The following LIPA variants were observed in gnomAD, a reference collection of about 807,000 sequenced individuals.
LIPA encodes the protein lysosomal acid lipase/cholesteryl ester hydrolase.
Under a neutral mutation model 40.6 loss-of-function variants are expected in LIPA, and 26 were observed. That is an observed-to-expected ratio of 0.64 (90% confidence interval 0.47 to 0.89). LIPA has a LOEUF of 0.89. LIPA is among the 40% of genes least tolerant of loss of function. LIPA has a pLI of 0.00. For synonymous variants in LIPA, 188 were observed against 168.4 expected, an observed-to-expected ratio of 1.12 and a Z score of -0.90; for missense variants, 455 against 479.6, an observed-to-expected ratio of 0.95 and a Z score of 0.48.
At chr10:89,226,868 A>G in intron 5 of LIPA, 27 bp downstream of exon 5, 2 of 1,273,552 alleles carry the variant, frequency 1.6e-6, no homozygotes, top group Non-Finnish European at 2.3e-6. Context: ...AATTTATATC[A>G]ACTTCTGATC....
intron 2 of LIPA, among the ~76,000 whole-genome samples, chr10:89,356,375 G>A (rs1272184822): frequency 6.6e-6 from 1 of 152,158 alleles, no homozygotes. Context: ...AGTAGTCCGA[G>A]GCCTGTTAGG....
chr10:89,356,372 C>T (rs995468123), intron 2 of LIPA, among the ~76,000 whole-genome samples: 4 of 152,084 alleles, frequency 2.6e-5, no homozygotes, highest in African/African-American at 4.8e-5. Context: ...GGTAGTAGTC[C>T]GAGGCCTGTT....
chr10:89,235,003 T>C (rs1382054692), intron 3 of LIPA, among the ~76,000 whole-genome samples: 1 of 152,246 alleles, frequency 6.6e-6, no homozygotes, highest in African/African-American at 2.4e-5. Flanking sequence ...CCACAGGCCA[T>C]GCTTTTCAGT....
intron 2 of LIPA, among the ~76,000 whole-genome samples, 159 bp downstream of exon 2, chr10:89,247,379 C>CAAAAAAAAA (rs71022556): frequency 2.7e-5 from 2 of 75,448 alleles, no homozygotes; most frequent in Admixed American, 1.7e-4. Flanking sequence ...GACTCTGCCT[C>CAAAAAAAAA]AAAAAAAAAA....
At chr10:89,322,843 C>T (rs558263834) in intron 1 of LIPA, among the ~76,000 whole-genome samples, 47 of 152,320 alleles carry the variant, frequency 3.1e-4, no homozygotes, top group African/African-American at 1.1e-3. Flanking sequence ...TCCTGTTCTC[C>T]CAGGAAGCAC....
At chr10:89,359,290 T>G (rs1404747779) in intron 2 of LIPA, among the ~76,000 whole-genome samples, 1 of 152,190 alleles carries the variant, frequency 6.6e-6, no homozygotes, top group African/African-American at 2.4e-5. Flanking sequence ...TATATATAAC[T>G]ATTATGTCTC....
intron 1 of LIPA, among the ~76,000 whole-genome samples, chr10:89,264,590 G>A (rs745777381): frequency 1.3e-5 from 2 of 152,142 alleles, no homozygotes; most frequent in Admixed American, 1.3e-4. Flanking sequence ...CAAGTGTGCA[G>A]CCCTCAGCAG....
chr10:89,357,199 A>T (rs1843993354), intron 2 of LIPA, among the ~76,000 whole-genome samples: 1 of 152,202 alleles, frequency 6.6e-6, no homozygotes, highest in Admixed American at 6.5e-5. Context: ...AAGGCTAAGG[A>T]GATATTTCGT....
chr10:89,306,353 A>G (rs767193461), intron 1 of LIPA: 2 of 1,614,142 alleles, frequency 1.2e-6, no homozygotes, highest in South Asian at 2.2e-5. Flanking sequence ...TCCCTATAGA[A>G]TTGAGAGTCC....
chr10:89,406,095 G>C (rs1389441178), intron 2 of LIPA: 1 of 152,076 alleles, frequency 6.6e-6, no homozygotes, highest in Non-Finnish European at 1.5e-5. Context: ...TACATTTTTT[G>C]CTTCAACTTT....
rs139749420 is a variant in LIPA, at chr10:89,409,458, G to A, written c.61+3333C>T. On this transcript the variant is annotated intron_variant, in intron 2 of 8. Coordinates refer to the LIPA transcript ENST00000371837. ...CCAAACAAGCTGCCCCCTCACCCAT[G>A]TCCACTATGCCAAAGCAATCACTGG... Among the ~76,000 whole-genome samples the A allele has an allele frequency of 5.8e-3, 877 of 152,266 alleles. 19 individuals are homozygous for A. The highest frequency in any genetic ancestry group is 0.036 in the Admixed American group (547 of 15,300).
chr10:89,368,697 A>G (rs1844075037), intron 2 of LIPA, among the ~76,000 whole-genome samples: 1 of 152,204 alleles, frequency 6.6e-6, no homozygotes, highest in African/African-American at 2.4e-5. Context: ...TGAGAGAAAA[A>G]AGGAATAGCC....
intron 1 of LIPA, among the ~76,000 whole-genome samples, chr10:89,250,508 G>A (rs1195031956): frequency 6.6e-6 from 1 of 152,116 alleles, no homozygotes; most frequent in Non-Finnish European, 1.5e-5. Context: ...AGGAAGGATT[G>A]TACAGCCCCA....
In LIPA at chr10:89,412,650, C is replaced by T. The variant is rs529469409; in HGVS notation, c.61+141G>A. The T allele has an allele frequency of 2.5e-3, 850 of 346,314 alleles. 5 individuals are homozygous for T. The highest frequency in any genetic ancestry group is 3.6e-3 in the Non-Finnish European group (635 of 178,284). 21.5% of individuals were successfully genotyped at this position (346,314 alleles called of 1,614,324 possible). A position where few individuals can be genotyped will look rare whatever the true frequency, so the allele number is the denominator to read the frequency against. ...CTGTAACACTCACCACAAAGGTCTA[C>T]GGCTTTACTCCTGAAGTCAGTGAAA... On this transcript the variant is annotated intron_variant, in intron 2 of 8. Coordinates refer to the LIPA transcript ENST00000371837.
chr10:89,402,890 C>G lies in LIPA; in HGVS notation c.61+9901G>C, dbSNP rs202196296. The stretch of plus-strand genomic sequence containing the variant: ...ATCACAAGCCATTTTCTTTGCTTCC[C>G]CTAAGGCAGGCTGTCCGCTTAAATC... On this transcript the variant is annotated intron_variant, in intron 2 of 8. Coordinates refer to the LIPA transcript ENST00000371837. The G allele has an allele frequency of 3.1e-6, 5 of 1,614,070 alleles. 1 individual carries two copies. In the Admixed American group the frequency reaches 6.7e-5, roughly 22 times the overall value.
chr10:89,403,507 C>T, intron 2 of LIPA: 5 of 1,612,556 alleles, frequency 3.1e-6, no homozygotes, highest in East Asian at 2.2e-5. Flanking sequence ...ATAGAACAGG[C>T]ATCATTAACA....
chr10:89,344,720 A>T (rs1843903482), upstream of LIPA, among the ~76,000 whole-genome samples: 1 of 152,234 alleles, frequency 6.6e-6, no homozygotes, highest in Admixed American at 6.5e-5. Context: ...TCAAAGGGAA[A>T]CACTTTTTAC....
At position 89,222,572 on chromosome 10, in the gene LIPA, T is replaced by A. The variant is rs1842714101; in HGVS notation, c.833A>T (p.Asp278Val). 6.3e-7 allele frequency: 1 copy of A among 1,594,038 alleles called. No individual in the cohort carries two copies. Among genetic ancestry groups the A allele is most frequent in the African/African-American group, 1.3e-5 (1 of 74,566 alleles). Residue 278 changes from aspartate to valine, a missense_variant, in exon 8 of 10, where the codon GAT (aspartate) becomes GTT (valine). By Grantham distance (152) the Asp-to-Val change is radical. Transcript: ENST00000336233. ...NERNLNMSRV[D>V]VYTTHSPAGT... ...AGCAGGAGAATGTGTTGTATATACATCCACTCTAGACTGCAAAATAAATAC... is the reference window on the plus strand; with the variant it reads ...AGCAGGAGAATGTGTTGTATATACAACCACTCTAGACTGCAAAATAAATAC...
At chr10:89,409,328 C>A (rs1167042163) in intron 2 of LIPA, among the ~76,000 whole-genome samples, 1 of 152,164 alleles carries the variant, frequency 6.6e-6, no homozygotes, top group Non-Finnish European at 1.5e-5. Flanking sequence ...GGCCCTCAGA[C>A]AAACAAACCT....
Sources: allele counts gnomAD v4.1 joint callset (sites outside exome capture counted in the v4.1 genomes callset), GRCh38; gene constraint gnomAD v4.1.1; transcripts MANE v1.5; gene names NCBI Gene and HGNC (gene_info 2026-07-23, HGNC 2026-07-21).